The following MBTD1 variants were observed in gnomAD, a reference collection of about 807,000 sequenced individuals.
MBTD1 encodes the protein MBT domain-containing protein 1.
MBTD1 carries 24 observed loss-of-function variants against 87.8 expected under a neutral mutation model. That is an observed-to-expected ratio of 0.27 (90% CI 0.20 to 0.38). The LOEUF (loss-of-function observed/expected upper bound fraction) is 0.38, where lower values mean the gene tolerates loss of function less well. MBTD1 is among the 10% of genes least tolerant of loss of function. MBTD1 has a pLI of 1.00. For synonymous variants in MBTD1, 237 were observed against 248.6 expected (o/e 0.95, Z 0.44); for missense variants, 436 against 760.2 (o/e 0.57, Z 5.02).
chr17:51,184,362 T>C (rs368503657), intron 16 of MBTD1: 42 of 152,360 alleles, frequency 2.8e-4, no homozygotes, highest in African/African-American at 9.9e-4. Flanking sequence ...ATCACTACCA[T>C]TTCAGGAGAT....
At chr17:51,194,896 G>C (rs11650030) in intron 13 of MBTD1, among the ~76,000 whole-genome samples, 58,563 of 151,510 alleles carry the variant, frequency 0.39, 11,787 homozygotes, top group Non-Finnish European at 0.44. Context: ...TCTTTATTGG[G>C]AAAAAAAGAA....
intron 2 of MBTD1, among the ~76,000 whole-genome samples, chr17:51,246,739 A>C (rs2054459484): frequency 6.6e-6 from 1 of 152,020 alleles, no homozygotes; most frequent in South Asian, 2.1e-4. Flanking sequence ...GGGTTCAAGC[A>C]ATTCTCCCAC....
chr17:51,254,322 C>T (rs2054958440), intron 2 of MBTD1, among the ~76,000 whole-genome samples: 1 of 152,150 alleles, frequency 6.6e-6, no homozygotes, highest in South Asian at 2.1e-4. Context: ...TGCCTTCTTT[C>T]TTTCTAAGCT....
intron 4 of MBTD1, 38 bp from the exon 5 acceptor site, chr17:51,219,082 C>T (rs778629240): frequency 3.2e-5 from 33 of 1,034,938 alleles, no homozygotes; most frequent in Middle Eastern, 2.0e-4. Flanking sequence ...GATTCTTTTT[C>T]ATCCCCTCAC....
At chr17:51,220,203 A>T in intron 4 of MBTD1, 127 bp downstream of exon 4, 1 of 871,064 alleles carries the variant, frequency 1.1e-6, no homozygotes, top group Non-Finnish European at 1.6e-6. Context: ...ATGTTTCCTC[A>T]AGATGTGGTA....
In MBTD1 at chr17:51,218,904, A is replaced by G. The variant is rs148713653; in HGVS notation, c.403+26T>C. ...TAAATGAATCAATGTCATATATTTC[A>G]CCTCTGTCAGATTCACCAATATTAC... On this transcript the variant is annotated intron_variant, in intron 5 of 16. Transcript: ENST00000586178. 2.4e-6 allele frequency: 3 copies of G among 1,276,084 alleles called. No homozygotes were observed. The East Asian group carries it at 7.6e-5, about 32-fold the overall frequency. The allele number at this position is 1,276,084 out of a possible 1,614,324, so 79.0% of individuals were successfully genotyped here. A position where few individuals can be genotyped will look rare whatever the true frequency, so the allele number is the denominator to read the frequency against.
chr17:51,184,452 T>A (rs1200428428), intron 16 of MBTD1: 1 of 152,216 alleles, frequency 6.6e-6, no homozygotes, highest in African/African-American at 2.4e-5. Flanking sequence ...AACCATAGCT[T>A]TCAGATAGTT....
intron 6 of MBTD1, among the ~76,000 whole-genome samples, chr17:51,210,402 G>GT (rs2052111601): frequency 6.6e-6 from 1 of 152,146 alleles, no homozygotes; most frequent in Non-Finnish European, 1.5e-5. Flanking sequence ...TAGGGTGGAA[G>GT]TAAGATTAAG....
chr17:51,259,737 G>A lies in MBTD1; in HGVS notation c.-113+98C>T, dbSNP rs1350556183. 15 of 1,133,812 alleles carry A rather than the reference G, an allele frequency of 1.3e-5. No homozygotes were observed. The East Asian group carries it at 1.6e-4, about 12-fold the overall frequency. The allele number at this position is 1,133,812 out of a possible 1,614,324, so 70.2% of individuals were successfully genotyped here. ...GGGCGTGGGATGGAGAAGCAGGCCA[G>A]GGAGCGGGGTCAGGGAGCTGCGGGG... On this transcript the variant is annotated intron_variant, in intron 1 of 16. Coordinates refer to ENST00000586178, the MANE Select transcript of MBTD1 (RefSeq NM_017643.3).
At chr17:51,217,483 G>T in intron 5 of MBTD1, 67 bp from the exon 6 acceptor site, 1 of 725,846 alleles carries the variant, frequency 1.4e-6, no homozygotes, top group Non-Finnish European at 2.2e-6. Flanking sequence ...GGTTATCATT[G>T]TTAAAATGTG....
chr17:51,192,364 C>A, intron 15 of MBTD1, 84 bp from the exon 16 acceptor site: 1 of 935,168 alleles, frequency 1.1e-6, no homozygotes, highest in Non-Finnish European at 1.7e-6. Flanking sequence ...CTTATATGAA[C>A]TATCTTTACC....
At chr17:51,260,559 GC>G (rs1176028920), upstream of MBTD1, 21 of 1,598,784 alleles carry the variant, frequency 1.3e-5, no homozygotes, top group Non-Finnish European at 1.5e-5. Flanking sequence ...CCACGTGAGC[GC>G]CTGCGTTTCT....
Position 51,217,365 on chromosome 17 carries a change from A to C in MBTD1, c.455T>G (p.Phe152Cys). Reference protein sequence around the residue: ...SWGNYINSNSFIAAPVTCFKH... With the variant: ...SWGNYINSNSCIAAPVTCFKH... Reference sequence around the variant, plus strand: ...AAAACAGGTAACCGGAGCTGCTATAAAGCTATTGCTATTGATGTAGTTACC... The same window carrying C: ...AAAACAGGTAACCGGAGCTGCTATACAGCTATTGCTATTGATGTAGTTACC... The change falls in exon 6 of 17, where the codon TTT (phenylalanine) becomes TGT (cysteine). Residue 152 changes from phenylalanine (F) to cysteine (C), a missense_variant. Physicochemically the swap from Phe to Cys is radical, Grantham distance 205. Transcript: ENST00000586178. 6.5e-7 allele frequency: 1 copy of C among 1,540,852 alleles called. No individual in the cohort carries two copies. The highest frequency in any genetic ancestry group is 8.8e-7 in the Non-Finnish European group (1 of 1,142,716).
intron 6 of MBTD1, among the ~76,000 whole-genome samples, chr17:51,210,227 A>G (rs1456047330): frequency 6.6e-6 from 1 of 151,870 alleles, no homozygotes; most frequent in Admixed American, 6.6e-5. Flanking sequence ...GTGACCTCAG[A>G]CGATCTGCCT....
upstream of MBTD1, chr17:51,260,841 C>A (rs1473415481): frequency 6.3e-7 from 1 of 1,599,492 alleles, no homozygotes; most frequent in East Asian, 2.3e-5. Flanking sequence ...GACAAACCGG[C>A]CGTGGAGCGG....
At chr17:51,239,840 C>G (rs1031305800) in intron 2 of MBTD1, among the ~76,000 whole-genome samples, 1 of 152,072 alleles carries the variant, frequency 6.6e-6, no homozygotes. Flanking sequence ...TAAGGATATT[C>G]TCTTACATAA....
rs2050215205 is a variant in MBTD1, at chr17:51,179,500, A to ATATTTATATT, written c.*1075_*1076insAATATAAATA. 1.7e-5 allele frequency: 1 copy of ATATTTATATT among 58,530 alleles called. No individual in the cohort carries two copies. Among genetic ancestry groups the ATATTTATATT allele is most frequent in the African/African-American group, 8.8e-5 (1 of 11,400 alleles). 3.6% of individuals were successfully genotyped at this position (58,530 alleles called of 1,614,324 possible). On this transcript the variant is annotated 3_prime_UTR_variant, in exon 17 of 17. Transcript: ENST00000586178. ...AAGACAATTTTATATATATATATAT[A>ATATTTATATT]TATATATATATATATATATATATAT...
intron 6 of MBTD1, 95 bp from the exon 7 acceptor site, chr17:51,207,100 T>A: frequency 1.6e-6 from 1 of 610,618 alleles, no homozygotes. Flanking sequence ...ATAGGAATAT[T>A]AAACTAAAAA....
At chr17:51,250,289 T>C (rs547729789) in intron 2 of MBTD1, 7 of 152,322 alleles carry the variant, frequency 4.6e-5, no homozygotes, top group African/African-American at 1.7e-4. Context: ...TTATGTACTA[T>C]TCTCTAGGTC....
Sources: gnomAD v4.1 joint callset for allele counts (sites outside exome capture counted in the v4.1 genomes callset) on GRCh38, gnomAD v4.1.1 for gene constraint, MANE v1.5 for transcripts, NCBI Gene and HGNC (gene_info 2026-07-23, HGNC 2026-07-21) for gene names.